Variants in MAML3 observed in about 807,000 individuals in gnomAD.
The protein encoded by MAML3 is mastermind-like protein 3.
Under a neutral mutation model 101.9 loss-of-function variants are expected in MAML3, and 27 were observed. The observed-to-expected ratio is 0.27, with a 90% CI of 0.20 to 0.37. MAML3 has a LOEUF of 0.37. Among genes scored for constraint, MAML3 ranks in the 10% least tolerant of loss-of-function variants. The pLI is 1.00. For missense variants in MAML3, 1,316 were observed against 1,444.9 expected, an observed-to-expected ratio of 0.91 and a Z score of 1.45; for synonymous variants, 501 against 555.9, an observed-to-expected ratio of 0.90 and a Z score of 1.39.
In MAML3 at chr4:139,940,156, T is replaced by C. The variant is rs77665051; in HGVS notation, c.469-49189A>G. ...TCCAGCTGCCATAGCTCTTTCACAT[T>C]GTTTCAAATTGTTTTTTAGGTGTAT... On this transcript the variant is annotated intron_variant, in intron 1 of 4. Transcript: ENST00000509479. 6.6e-3 allele frequency among the ~76,000 whole-genome samples: 1,007 copies of C among 152,320 alleles called. 10 individuals are homozygous for C. The highest frequency in any genetic ancestry group is 0.023 in the African/African-American group (959 of 41,560).
chr4:139,972,786 G>A (rs532759029), intron 1 of MAML3, among the ~76,000 whole-genome samples: 1 of 152,188 alleles, frequency 6.6e-6, no homozygotes, highest in African/African-American at 2.4e-5. Flanking sequence ...TTTGCAAAGA[G>A]GAATTATCCA....
At chr4:140,149,682 G>A (rs75769932) in intron 1 of MAML3, among the ~76,000 whole-genome samples, 12,821 of 152,124 alleles carry the variant, frequency 0.084, 802 homozygotes, top group East Asian at 0.25. Context: ...TTTGGTTGTG[G>A]GTGATCATTG....
intron 1 of MAML3, among the ~76,000 whole-genome samples, chr4:139,928,036 T>C (rs1005056229): frequency 2.6e-5 from 4 of 152,186 alleles, no homozygotes; most frequent in South Asian, 4.1e-4. Flanking sequence ...TTTATATACA[T>C]ACAGCTATAT....
chr4:139,767,661 A>C (rs1729892443), intron 2 of MAML3, among the ~76,000 whole-genome samples: 1 of 152,226 alleles, frequency 6.6e-6, no homozygotes. Flanking sequence ...GAAGAATCCA[A>C]ACTTTTAAAT....
chr4:139,990,408 AT>A (rs1288944599), intron 1 of MAML3, among the ~76,000 whole-genome samples: 1 of 151,402 alleles, frequency 6.6e-6, no homozygotes, highest in Non-Finnish European at 1.5e-5. Context: ...TCTCAAAATA[AT>A]AAGAGCTATC....
At chr4:139,812,232 G>A (rs1730814102) in intron 2 of MAML3, among the ~76,000 whole-genome samples, 1 of 152,166 alleles carries the variant, frequency 6.6e-6, no homozygotes, top group South Asian at 2.1e-4. Flanking sequence ...ATCCACCAGA[G>A]CAAGACTCTG....
In MAML3 at chr4:140,060,365, C is replaced by CAAA. The variant is rs70943471; in HGVS notation, c.468+92492_468+92494dup. On this transcript the variant is annotated intron_variant, in intron 1 of 4. Transcript: ENST00000509479. ...TGGGCGACAGAGTAAGACTCTGTCT[C>CAAA]AAAAAAAAAAAAAAAAAAAAGTCAC... Among the ~76,000 whole-genome samples the CAAA allele has an allele frequency of 2.9e-3, 55 of 19,124 alleles. 11 individuals are homozygous for CAAA. Among genetic ancestry groups the CAAA allele is most frequent in the East Asian group, 0.011 (5 of 476 alleles). 12.5% of individuals were successfully genotyped at this position (19,124 alleles called of 152,430 possible). A position where few individuals can be genotyped will look rare whatever the true frequency, so the allele number is the denominator to read the frequency against.
chr4:139,723,915 CTG>C (rs1267876957), intron 4 of MAML3, among the ~76,000 whole-genome samples: 2 of 152,334 alleles, frequency 1.3e-5, no homozygotes, highest in African/African-American at 4.8e-5. Flanking sequence ...ATCAGAAACA[CTG>C]TGTATGTTTT....
At chr4:140,056,900 C>T (rs913521053) in intron 1 of MAML3, among the ~76,000 whole-genome samples, 2 of 151,962 alleles carry the variant, frequency 1.3e-5, no homozygotes, top group Non-Finnish European at 2.9e-5. Flanking sequence ...TTATTGAGTG[C>T]TTACTCTGTG....
Position 139,725,843 on chromosome 4 carries a change from A to G in MAML3, c.2332-8T>C, listed in dbSNP as rs1437852847. ...ATGTGATTGCTGCAACTGCTAGAAC[A>G]ACAGAACACAAGAGGGGTGGAGAGG... On this transcript the variant is annotated splice_region_variant and splice_polypyrimidine_tract_variant and intron_variant, in intron 3 of 4. Coordinates refer to ENST00000509479, the MANE Select transcript of MAML3 (RefSeq NM_018717.5). 1.2e-6 allele frequency: 2 copies of G among 1,613,102 alleles called. No homozygotes were observed. Among genetic ancestry groups the G allele is most frequent in the Non-Finnish European group, 1.7e-6 (2 of 1,179,234 alleles).
intron 1 of MAML3, among the ~76,000 whole-genome samples, chr4:139,985,826 CA>C (rs1734528919): frequency 6.6e-6 from 1 of 152,216 alleles, no homozygotes; most frequent in Non-Finnish European, 1.5e-5. Context: ...AAGCAAACCA[CA>C]CCAGAAGAGG....
At chr4:140,152,175 C>CCCGCGCCCCGCAT (rs1164647671) in intron 1 of MAML3, among the ~76,000 whole-genome samples, 1 of 152,170 alleles carries the variant, frequency 6.6e-6, no homozygotes, top group Admixed American at 6.5e-5. Context: ...GCGGAGCGCA[C>CCCGCGCCCCGCAT]CCGCGCCCCG....
intron 1 of MAML3, among the ~76,000 whole-genome samples, chr4:139,915,136 A>G (rs1733002453): frequency 6.6e-6 from 1 of 152,222 alleles, no homozygotes; most frequent in African/African-American, 2.4e-5. Context: ...CATGTTGCAA[A>G]ATATTCTGGA....
At chr4:139,997,122 T>A (rs1734833217) in intron 1 of MAML3, among the ~76,000 whole-genome samples, 1 of 149,442 alleles carries the variant, frequency 6.7e-6, no homozygotes, top group South Asian at 2.1e-4. Flanking sequence ...AAAAAAATAT[T>A]TATATATATA....
At chr4:139,758,533 T>C (rs1463322968) in intron 2 of MAML3, among the ~76,000 whole-genome samples, 1 of 152,192 alleles carries the variant, frequency 6.6e-6, no homozygotes, top group African/African-American at 2.4e-5. Flanking sequence ...GAAACCTCGA[T>C]TTGTATGACC....
rs61747885 is a variant in MAML3 at position 139,719,549 on chromosome 4, G to T, written c.3191C>A (p.Pro1064His). Residue 1064 changes from proline (P) to histidine (H), a missense_variant, in exon 5 of 5, where the codon CCC becomes CAC. Physicochemically the swap from Pro to His is moderately conservative, Grantham distance 77. Coordinates refer to ENST00000509479, the MANE Select transcript of MAML3 (RefSeq NM_018717.5). ...ACTGGGTATCTGCTGCTGTGCTGGG[G>T]GCTGGCTGAACGCTGGCATGCCTGG... ...GVPGMPAFSQ[P>H]PAQQQIPSGS... is the part of the protein sequence containing the mutation. The T allele has an allele frequency of 0.15, 235,318 of 1,613,560 alleles. 17,912 individuals are homozygous for T. The highest frequency in any genetic ancestry group is 0.16 in the East Asian group (7,106 of 44,862).
chr4:139,751,598 C>T (rs541218423), intron 2 of MAML3, among the ~76,000 whole-genome samples: 29 of 152,236 alleles, frequency 1.9e-4, no homozygotes, highest in African/African-American at 3.4e-4. Context: ...TCAGCTTTTC[C>T]GATTAGGGAT....
At chr4:139,790,694 G>A (rs563825204) in intron 2 of MAML3, among the ~76,000 whole-genome samples, 1 of 152,018 alleles carries the variant, frequency 6.6e-6, no homozygotes, top group Non-Finnish European at 1.5e-5. Context: ...TGTCTTCAAG[G>A]TTCATCCATG....
At chr4:140,063,523 C>T (rs550584590) in intron 1 of MAML3, among the ~76,000 whole-genome samples, 29 of 152,314 alleles carry the variant, frequency 1.9e-4, no homozygotes, top group Non-Finnish European at 3.5e-4. Context: ...TCTCTGCTTC[C>T]TACCTGGTCC....
Sources: gnomAD v4.1 joint callset for allele counts (sites outside exome capture counted in the v4.1 genomes callset) on GRCh38, gnomAD v4.1.1 for gene constraint, MANE v1.5 for transcripts, NCBI Gene and HGNC (gene_info 2026-07-23, HGNC 2026-07-21) for gene names.